The following MPDZ variants were observed in gnomAD, a reference collection of about 807,000 sequenced individuals.
MPDZ encodes multiple PDZ domain protein.
In MPDZ, 234 loss-of-function variants were observed where a neutral mutation model predicts 239.1. That is an observed-to-expected ratio of 0.98 (90% CI 0.88 to 1.09). MPDZ has a LOEUF of 1.09. Among genes scored for constraint, MPDZ ranks in the 50% least tolerant of loss-of-function variants. The pLI, the probability that MPDZ is intolerant of heterozygous loss-of-function variation, is 0.00. For missense variants in MPDZ, 3,175 were observed against 2,510.0 expected (o/e 1.26, Z -5.66); for synonymous variants, 1,048 against 881.3 (o/e 1.19, Z -3.35).
chr9:13,198,356 C>A (rs368801077), intron 12 of MPDZ, among the ~76,000 whole-genome samples: 3 of 152,150 alleles, frequency 2.0e-5, no homozygotes. Context: ...CAGTGACGAA[C>A]ATTTTTTCAT....
intron 1 of MPDZ, among the ~76,000 whole-genome samples, chr9:13,274,132 T>C (rs1973630439): frequency 6.6e-6 from 1 of 152,202 alleles, no homozygotes; most frequent in African/African-American, 2.4e-5. Context: ...GCTTTCCGTC[T>C]TCTTTTCACT....
intron 21 of MPDZ, among the ~76,000 whole-genome samples, chr9:13,169,247 C>T (rs1951480669): frequency 6.6e-6 from 1 of 152,068 alleles, no homozygotes; most frequent in South Asian, 2.1e-4. Context: ...TATTAAATTG[C>T]CCTCTTTTCA....
intron 46 of MPDZ, among the ~76,000 whole-genome samples, chr9:13,108,634 C>T (rs1218478970): frequency 6.6e-6 from 1 of 152,008 alleles, no homozygotes; most frequent in Non-Finnish European, 1.5e-5. Context: ...AAAAGACGAT[C>T]ATGTGCAATT....
chr9:13,216,498 A>C (rs1958365033), intron 10 of MPDZ, among the ~76,000 whole-genome samples: 1 of 151,872 alleles, frequency 6.6e-6, no homozygotes, highest in Admixed American at 6.6e-5. Flanking sequence ...TGTAATATTA[A>C]TGTAATAAAT....
intron 3 of MPDZ, among the ~76,000 whole-genome samples, chr9:13,242,224 T>G: frequency 8.0e-6 from 1 of 124,630 alleles, no homozygotes; most frequent in East Asian, 2.3e-4. Flanking sequence ...GCTTTTTTTT[T>G]TTTTTTTTTT....
intron 36 of MPDZ, 141 bp downstream of exon 36, chr9:13,123,012 C>G: frequency 1.2e-6 from 1 of 848,082 alleles, no homozygotes; most frequent in Non-Finnish European, 1.7e-6. Flanking sequence ...TGAATATTTG[C>G]CCTATAAATT....
At chr9:13,173,176 A>T (rs1952009515) in intron 21 of MPDZ, among the ~76,000 whole-genome samples, 1 of 152,202 alleles carries the variant, frequency 6.6e-6, no homozygotes, top group Non-Finnish European at 1.5e-5. Flanking sequence ...AACCCAAAAA[A>T]CGTTCTGGAG....
chr9:13,254,721 C>A (rs1242116732), intron 1 of MPDZ, among the ~76,000 whole-genome samples: 1 of 152,148 alleles, frequency 6.6e-6, no homozygotes, highest in African/African-American at 2.4e-5. Context: ...ACACTGTAGT[C>A]TATTAAATGT....
chr9:13,215,945 G>GT (rs71331531), intron 10 of MPDZ, among the ~76,000 whole-genome samples: 2,694 of 82,632 alleles, frequency 0.033, 76 homozygotes, highest in Middle Eastern at 0.071. Flanking sequence ...TCAGCAATTT[G>GT]TTTTTTTTTT....
At chr9:13,187,330 TG>T (rs1395098614) in intron 17 of MPDZ, among the ~76,000 whole-genome samples, 1 of 152,106 alleles carries the variant, frequency 6.6e-6, no homozygotes, top group Non-Finnish European at 1.5e-5. Flanking sequence ...ATAACTGGTA[TG>T]GTTTCATCTT....
At position 13,204,631 on chromosome 9, in the gene MPDZ, A is replaced by G. The variant is rs541382543; in HGVS notation, c.1546+405T>C. Among the ~76,000 whole-genome samples, 15 of 152,270 alleles carry G rather than the reference A, an allele frequency of 9.9e-5. No individual in the cohort carries two copies. The East Asian group carries it at 2.1e-3, about 22-fold the overall frequency. ...TGAATAGTCTCATTCCCAAGAGCTT[A>G]TGTGTTAATGATTCTCCTGTGTTTA... On this transcript the variant is annotated intron_variant, in intron 12 of 46. Transcript: ENST00000319217.
intron 1 of MPDZ, among the ~76,000 whole-genome samples, chr9:13,276,173 A>G (rs1490260884): frequency 1.3e-5 from 2 of 152,172 alleles, no homozygotes; most frequent in Non-Finnish European, 2.9e-5. Flanking sequence ...ACCCAATACA[A>G]CATTCTTCCT....
chr9:13,121,624 C>G, intron 38 of MPDZ, 115 bp downstream of exon 38: 1 of 1,045,986 alleles, frequency 9.6e-7, no homozygotes, highest in South Asian at 1.5e-5. Context: ...CTAACAACAG[C>G]TACCTACTGA....
intron 22 of MPDZ, among the ~76,000 whole-genome samples, chr9:13,164,997 T>C (rs1950901915): frequency 6.6e-6 from 1 of 152,236 alleles, no homozygotes; most frequent in Admixed American, 6.6e-5. Flanking sequence ...TAACTTTTGG[T>C]TACACATGGA....
At chr9:13,215,438 G>GATATAT (rs55720256) in intron 10 of MPDZ, among the ~76,000 whole-genome samples, 1 of 146,824 alleles carries the variant, frequency 6.8e-6, no homozygotes, top group African/African-American at 2.5e-5. Context: ...GTGTATATAT[G>GATATAT]ATATATATAT....
intron 19 of MPDZ, among the ~76,000 whole-genome samples, chr9:13,177,539 CACTTTT>C (rs1174743600): frequency 2.0e-5 from 3 of 152,112 alleles, no homozygotes; most frequent in African/African-American, 7.2e-5. Context: ...CAATAAATAG[CACTTTT>C]ACTTTTTTTG....
chr9:13,200,188 T>C (rs902107655), intron 12 of MPDZ, among the ~76,000 whole-genome samples: 1 of 152,036 alleles, frequency 6.6e-6, no homozygotes, highest in Non-Finnish European at 1.5e-5. Flanking sequence ...AGACTGTAAG[T>C]GTCCAGGAAT....
At chr9:13,128,655 T>C (rs1945467339) in intron 32 of MPDZ, among the ~76,000 whole-genome samples, 1 of 152,218 alleles carries the variant, frequency 6.6e-6, no homozygotes, top group South Asian at 2.1e-4. Context: ...TTTGAACAAC[T>C]GAAGTCAATT....
rs973066029 is a variant in MPDZ at position 13,235,385 on chromosome 9, G to A, written c.184-10802C>T. 6.6e-5 allele frequency among the ~76,000 whole-genome samples: 10 copies of A among 152,228 alleles called. No individual in the cohort carries two copies. In the East Asian group the frequency reaches 1.2e-3, roughly 18 times the overall value. On this transcript the variant is annotated intron_variant, in intron 3 of 46. Transcript: ENST00000319217. ...TGAGACCTTCCTTTCATTCATTCAAGTATTTATTGAGCATCTAAAATGTCT... is the reference window on the plus strand; with the variant it reads ...TGAGACCTTCCTTTCATTCATTCAAATATTTATTGAGCATCTAAAATGTCT...
Sources: gnomAD v4.1 joint callset for allele counts (sites outside exome capture counted in the v4.1 genomes callset) on GRCh38, gnomAD v4.1.1 for gene constraint, MANE v1.5 for transcripts, NCBI Gene and HGNC (gene_info 2026-07-23, HGNC 2026-07-21) for gene names.